Variants in LEF1 observed in about 807,000 individuals in gnomAD.
LEF1 encodes the protein lymphoid enhancer binding factor 1, also known as lymphoid enhancer-binding factor 1.
A neutral mutation model predicts 51.2 loss-of-function variants in LEF1; 14 were observed. That is an observed-to-expected ratio of 0.27 (90% confidence interval 0.18 to 0.43). The LOEUF (loss-of-function observed/expected upper bound fraction) is 0.43, where lower values mean the gene tolerates loss of function less well. LEF1 is among the 20% of genes least tolerant of loss of function. The probability of loss-of-function intolerance (pLI) is 1.00; values close to 1 mark genes in which losing one functional copy is unlikely to be tolerated. For synonymous variants in LEF1, 185 were observed against 183.2 expected (o/e 1.01, Z -0.08); for missense variants, 386 against 512.0 (o/e 0.75, Z 2.37).
intron 6 of LEF1, among the ~76,000 whole-genome samples, chr4:108,081,319 G>A (rs925332163): frequency 1.1e-4 from 17 of 152,016 alleles, no homozygotes; most frequent in African/African-American, 3.9e-4. Flanking sequence ...ACAGTCAGGC[G>A]GCCATGAATT....
intron 11 of LEF1, among the ~76,000 whole-genome samples, chr4:108,060,464 GC>G (rs1042207572): frequency 2.0e-5 from 3 of 152,060 alleles, no homozygotes; most frequent in African/African-American, 7.2e-5. Flanking sequence ...TAGGTGACCT[GC>G]CCCAGGCCGC....
At chr4:108,051,986 C>T (rs1001263506) in intron 11 of LEF1, among the ~76,000 whole-genome samples, 1 of 152,118 alleles carries the variant, frequency 6.6e-6, no homozygotes. Flanking sequence ...CTCTCTAAGC[C>T]CAAATAAATG....
At chr4:108,161,190 C>A (rs905982005) in intron 3 of LEF1, among the ~76,000 whole-genome samples, 1 of 152,054 alleles carries the variant, frequency 6.6e-6, no homozygotes, top group South Asian at 2.1e-4. Context: ...TTTTTGATCT[C>A]CGACACATTA....
At chr4:108,068,106 A>C (rs1380598339) in intron 9 of LEF1, among the ~76,000 whole-genome samples, 1 of 151,912 alleles carries the variant, frequency 6.6e-6, no homozygotes, top group African/African-American at 2.4e-5. Context: ...CGTCTCTACT[A>C]AAAATACAAA....
intron 10 of LEF1, 94 bp downstream of exon 10, chr4:108,064,242 C>T: frequency 1.3e-6 from 1 of 763,394 alleles, no homozygotes; most frequent in African/African-American, 1.8e-5. Flanking sequence ...AAGTTACAGT[C>T]ACAGAAGAAA....
chr4:108,127,011 C>T (rs1288051768), intron 3 of LEF1, among the ~76,000 whole-genome samples: 1 of 151,984 alleles, frequency 6.6e-6, no homozygotes, highest in Non-Finnish European at 1.5e-5. Flanking sequence ...GTGGAAAATG[C>T]TGTATGTGAG....
intron 3 of LEF1, among the ~76,000 whole-genome samples, chr4:108,122,241 G>A (rs1033092993): frequency 2.0e-5 from 3 of 151,874 alleles, no homozygotes; most frequent in Admixed American, 6.6e-5. Flanking sequence ...TTGTGGTTCT[G>A]GTCCATTTTT....
At chr4:108,112,675 C>T (rs924774067) in intron 3 of LEF1, among the ~76,000 whole-genome samples, 5 of 152,064 alleles carry the variant, frequency 3.3e-5, no homozygotes, top group African/African-American at 1.2e-4. Context: ...ATTTCTGGCT[C>T]GTAATGATAT....
chr4:108,114,586 T>G (rs773031094), intron 3 of LEF1, among the ~76,000 whole-genome samples: 1 of 152,204 alleles, frequency 6.6e-6, no homozygotes, highest in South Asian at 2.1e-4. Flanking sequence ...GAGTGTTTTC[T>G]AGATGTGGAC....
chr4:108,163,040 C>T (rs1349885206), intron 3 of LEF1, among the ~76,000 whole-genome samples: 1 of 151,910 alleles, frequency 6.6e-6, no homozygotes, highest in Non-Finnish European at 1.5e-5. Context: ...GATGCTTTCT[C>T]AACAATTGAC....
intron 3 of LEF1, among the ~76,000 whole-genome samples, chr4:108,112,839 C>G (rs1741613662): frequency 6.6e-6 from 1 of 152,208 alleles, no homozygotes; most frequent in South Asian, 2.1e-4. Flanking sequence ...TGTAGAGAAA[C>G]AGCCTTCTCA....
intron 3 of LEF1, 61 bp from the exon 4 acceptor site, chr4:108,089,318 A>G: frequency 6.4e-7 from 1 of 1,561,690 alleles, no homozygotes; most frequent in South Asian, 1.2e-5. Context: ...CTTTTCTCCC[A>G]AAGAAAAAAA....
rs192645965 is a variant in LEF1, at chr4:108,064,585, T to C, written c.1117-201A>G. On this transcript the variant is annotated intron_variant, in intron 9 of 11. Coordinates refer to ENST00000265165, the MANE Select transcript of LEF1 (RefSeq NM_016269.5). The stretch of plus-strand genomic sequence containing the variant: ...AGTGACCTGGTGACCTTTGTCTCTA[T>C]AGCTTCATATTTAACATCATCAATA... 2.1e-3 allele frequency among the ~76,000 whole-genome samples: 318 copies of C among 152,196 alleles called. 5 individuals carry two copies. The highest frequency in any genetic ancestry group is 1.7e-3 in the Non-Finnish European group (114 of 68,016).
At chr4:108,155,689 C>T (rs1321261511) in intron 3 of LEF1, among the ~76,000 whole-genome samples, 2 of 152,196 alleles carry the variant, frequency 1.3e-5, no homozygotes, top group Non-Finnish European at 2.9e-5. Context: ...ATATGAACTT[C>T]TCATCAATCA....
intron 5 of LEF1, among the ~76,000 whole-genome samples, chr4:108,082,520 G>T (rs1282763363): frequency 6.6e-6 from 1 of 152,106 alleles, no homozygotes; most frequent in Non-Finnish European, 1.5e-5. Context: ...GGGAGATGGG[G>T]TACAATGACA....
At chr4:108,160,619 T>C (rs1745003221) in intron 3 of LEF1, among the ~76,000 whole-genome samples, 1 of 152,160 alleles carries the variant, frequency 6.6e-6, no homozygotes, top group South Asian at 2.1e-4. Context: ...AAGGATGTAA[T>C]TTGCCAATTA....
intron 11 of LEF1, among the ~76,000 whole-genome samples, chr4:108,060,097 C>A (rs1281489825): frequency 6.6e-6 from 1 of 152,068 alleles, no homozygotes; most frequent in Non-Finnish European, 1.5e-5. Flanking sequence ...GAAAATCAAA[C>A]CCTCAAACTA....
At chr4:108,097,885 G>C (rs1740496783) in intron 3 of LEF1, among the ~76,000 whole-genome samples, 1 of 152,092 alleles carries the variant, frequency 6.6e-6, no homozygotes, top group Non-Finnish European at 1.5e-5. Context: ...AATAATGGAA[G>C]GTAAACAAAT....
At chr4:108,112,918 C>T (rs1741618259) in intron 3 of LEF1, among the ~76,000 whole-genome samples, 2 of 152,140 alleles carry the variant, frequency 1.3e-5, no homozygotes, top group African/African-American at 2.4e-5. Context: ...AGACATCCCC[C>T]AGCTACCCAT....
Sources: allele counts gnomAD v4.1 joint callset (sites outside exome capture counted in the v4.1 genomes callset), GRCh38; gene constraint gnomAD v4.1.1; transcripts MANE v1.5; gene names NCBI Gene and HGNC (gene_info 2026-07-23, HGNC 2026-07-21).